CACNA1A: variants seen among roughly 807,000 people sequenced by gnomAD.
CACNA1A encodes the protein calcium voltage-gated channel subunit alpha1 A, also known as voltage-dependent P/Q-type calcium channel subunit alpha-1A.
Under a neutral mutation model 262.4 loss-of-function variants are expected in CACNA1A, and 57 were observed. The observed-to-expected ratio is 0.22, with a 90% CI of 0.18 to 0.27. The LOEUF (loss-of-function observed/expected upper bound fraction) is 0.27. Among genes scored for constraint, CACNA1A ranks in the 10% least tolerant of loss-of-function variants. The pLI is 1.00. For synonymous variants in CACNA1A, 1,431 were observed against 1,419.3 expected (o/e 1.01, Z -0.18); for missense variants, 2,526 against 3,562.8 (o/e 0.71, Z 7.41).
chr19:13,215,012 G>GT (rs1264509488), intron 38 of CACNA1A: 124 of 34,298 alleles, frequency 3.6e-3, no homozygotes, highest in South Asian at 4.8e-3. Context: ...GTGTGTGTGT[G>GT]TTTTTTTTTT....
intron 1 of CACNA1A, among the ~76,000 whole-genome samples, chr19:13,502,893 G>A (rs902406808): frequency 2.0e-5 from 3 of 152,092 alleles, no homozygotes; most frequent in Non-Finnish European, 4.4e-5. Context: ...TGAGCATACC[G>A]ACAAGTTCAT....
chr19:13,434,722 C>G (rs558393362), intron 3 of CACNA1A, among the ~76,000 whole-genome samples: 1 of 152,134 alleles, frequency 6.6e-6, no homozygotes, highest in Non-Finnish European at 1.5e-5. Context: ...GTAGAGCCTG[C>G]AGAATCGTGA....
At chr19:13,402,779 C>CATATATATATACATATATACACACAT (rs398071149) in intron 3 of CACNA1A, among the ~76,000 whole-genome samples, 2 of 124,458 alleles carry the variant, frequency 1.6e-5, no homozygotes, top group East Asian at 2.1e-4. Context: ...CATATATATA[C>CATATATATATACATATATACACACAT]ATATATATAC....
At chr19:13,481,549 G>T (rs918172926) in intron 1 of CACNA1A, among the ~76,000 whole-genome samples, 2 of 152,066 alleles carry the variant, frequency 1.3e-5, no homozygotes, top group African/African-American at 4.8e-5. Context: ...GGCGGGGAGG[G>T]GACAGACCAT....
intron 3 of CACNA1A, among the ~76,000 whole-genome samples, chr19:13,414,386 C>T (rs112172137): frequency 4.9e-4 from 74 of 151,938 alleles, no homozygotes; most frequent in African/African-American, 1.7e-3. Flanking sequence ...GGCAATAGAG[C>T]GAGGCTCTGT....
chr19:13,299,033 C>G lies in CACNA1A; in HGVS notation c.2600G>C (p.Arg867Pro), dbSNP rs754326939. The change falls in exon 19 of 47, where the codon CGG (arginine) becomes CCG (proline). Residue 867 changes from arginine (R) to proline (P), a missense_variant. Around this residue, in one of 17 missense-constraint regions of CACNA1A, gnomAD observed 765 missense variants for 748.6 expected, o/e 1.02. Coordinates refer to ENST00000360228, the MANE Select transcript of CACNA1A (RefSeq NM_001127222.2). Reference protein sequence around the residue: ...FLRKQARYHDRARDPSGSAGL... With the variant: ...FLRKQARYHDPARDPSGSAGL... ...CGCCGAGCCGCTGGGGTCCCGGGCCCGATCGTGGTAGCGGGCCTGTTTCCT... is the reference window on the plus strand; with the variant it reads ...CGCCGAGCCGCTGGGGTCCCGGGCCGGATCGTGGTAGCGGGCCTGTTTCCT... 15 of 1,594,868 alleles carry G rather than the reference C, an allele frequency of 9.4e-6. No individual in the cohort carries two copies. In the African/African-American group the frequency reaches 1.7e-4, roughly 18 times the overall value.
Position 13,308,023 on chromosome 19 carries a change from G to T in CACNA1A, c.1913+97C>A. The stretch of plus-strand genomic sequence containing the variant: ...TTTGGGTGACCGCAATGGGTGTCTG[G>T]GCTACGAGGAAGGCAGCCTGCACGG... On this transcript the variant is annotated intron_variant, in intron 14 of 46. Transcript: ENST00000360228. This position sits in a 1 kb window ranked among gnomAD's most constrained non-coding sequence, Gnocchi z 4.2. 2 of 1,522,416 alleles carry T rather than the reference G, an allele frequency of 1.3e-6. No individual in the cohort carries two copies. The highest frequency in any genetic ancestry group is 1.8e-6 in the Non-Finnish European group (2 of 1,113,072). The allele number at this position is 1,522,416 out of a possible 1,614,324, so 94.3% of individuals were successfully genotyped here. A position where few individuals can be genotyped will look rare whatever the true frequency, so the allele number is the denominator to read the frequency against.
Position 13,207,996 on chromosome 19 carries a change from G to T in CACNA1A, c.6838C>A (p.Arg2280=). 1 of 1,334,150 alleles carries T rather than the reference G, an allele frequency of 7.5e-7. No homozygotes were observed. The highest frequency in any genetic ancestry group is 9.6e-7 in the Non-Finnish European group (1 of 1,047,078). The allele number at this position is 1,334,150 out of a possible 1,614,324, so 82.6% of individuals were successfully genotyped here. Residue 2280 remains arginine, a synonymous_variant, in exon 47 of 47, where the codon CGG becomes AGG. Coordinates refer to ENST00000360228, the MANE Select transcript of CACNA1A (RefSeq NM_001127222.2). The surrounding 1 kb of genome is among the most constrained non-coding windows in gnomAD (Gnocchi z 5.7). ...APSTSGTSTP[R]RGRRQLPQTP... The stretch of plus-strand genomic sequence containing the variant: ...TGGGGGAGCTGGCGGCGGCCCCGCC[G>T]CGGAGTGCTGGTACCAGATGTTGAG...
Position 13,495,548 on chromosome 19 carries a change from G to A in CACNA1A, c.293+10384C>T, listed in dbSNP as rs544054776. Among the ~76,000 whole-genome samples the A allele has an allele frequency of 1.2e-3, 183 of 152,092 alleles. 1 individual carries two copies. The highest frequency in any genetic ancestry group is 3.8e-3 in the African/African-American group (157 of 41,466). On this transcript the variant is annotated intron_variant, in intron 1 of 46. Transcript: ENST00000360228. ...CCTGACCTTGTGATCTGCCTGCCTC[G>A]GCCTCCCAAAGTCCTAAACATACAA...
At chr19:13,358,578 CTTATAA>C (rs1164906959) in intron 6 of CACNA1A, among the ~76,000 whole-genome samples, 4 of 152,124 alleles carry the variant, frequency 2.6e-5, no homozygotes, top group Non-Finnish European at 5.9e-5. Context: ...TTCGATTATG[CTTATAA>C]TTATAATTGC....
At chr19:13,337,479 C>T (rs2058596159) in intron 6 of CACNA1A, among the ~76,000 whole-genome samples, 1 of 152,112 alleles carries the variant, frequency 6.6e-6, no homozygotes, top group Admixed American at 6.5e-5. Flanking sequence ...TAGATTAGGA[C>T]CCACCCTAAT....
At position 13,317,259 on chromosome 19, in the gene CACNA1A, T is replaced by C; in HGVS notation, c.1408A>G (p.Lys470Glu). Residue 470 changes from lysine to glutamate, a missense_variant, in exon 11 of 47, where the codon AAA becomes GAA. By Grantham distance (56) the Lys-to-Glu change is moderately conservative. Around this residue, in one of 17 missense-constraint regions of CACNA1A, gnomAD observed 104 missense variants for 127.6 expected, o/e 0.81. Transcript: ENST00000360228. ...TAGAAACGCATCCTCCTCTCCTTTT[T>C]GTGAAAAAAGGTCGAGTTCTCCAGC... is the stretch of plus-strand genomic sequence containing the variant. ...AKLENSTFFHKKERRMRFYIR... is the reference protein window; with the variant it reads ...AKLENSTFFHEKERRMRFYIR... 1 of 1,613,096 alleles carries C rather than the reference T, an allele frequency of 6.2e-7. No individual in the cohort carries two copies. The highest frequency in any genetic ancestry group is 8.5e-7 in the Non-Finnish European group (1 of 1,179,160).
chr19:13,284,920 C>G (rs1238041020), intron 21 of CACNA1A, 148 bp downstream of exon 21: 1 of 661,378 alleles, frequency 1.5e-6, no homozygotes, highest in Non-Finnish European at 2.6e-6. Flanking sequence ...ACCTGACTTA[C>G]GGAAGGAGCA....
chr19:13,395,331 C>T (rs2059791253), intron 3 of CACNA1A, among the ~76,000 whole-genome samples: 1 of 142,712 alleles, frequency 7.0e-6, no homozygotes, highest in African/African-American at 2.6e-5. Context: ...TCTGGCTGGG[C>T]ACAGTGGCTC....
Position 13,236,533 on chromosome 19 carries a change from G to C in CACNA1A, c.4951-803C>G, listed in dbSNP as rs2055884339. The C allele has an allele frequency of 6.5e-6, 1 of 153,352 alleles. No individual in the cohort carries two copies. The highest frequency in any genetic ancestry group is 1.9e-4 in the East Asian group (1 of 5,202). 9.5% of individuals were successfully genotyped at this position (153,352 alleles called of 1,614,324 possible). A position where few individuals can be genotyped will look rare whatever the true frequency, so the allele number is the denominator to read the frequency against. On this transcript the variant is annotated intron_variant, in intron 31 of 46. Coordinates refer to ENST00000360228, the MANE Select transcript of CACNA1A (RefSeq NM_001127222.2). This position sits in a 1 kb window ranked among gnomAD's most constrained non-coding sequence, Gnocchi z 4.6. The stretch of plus-strand genomic sequence containing the variant: ...TGAGTCCTCGCTGCCCGCTGAGTCG[G>C]AGAAGATGCATTTGGGGCCCTTTTC...
chr19:13,225,795 T>C (rs942109910), intron 37 of CACNA1A: 14 of 152,188 alleles, frequency 9.2e-5, no homozygotes, highest in African/African-American at 3.1e-4. Flanking sequence ...GTTGTGCAGG[T>C]TGTACACCGC....
intron 6 of CACNA1A, among the ~76,000 whole-genome samples, chr19:13,340,606 T>C (rs968477053): frequency 6.6e-6 from 1 of 151,982 alleles, no homozygotes; most frequent in Non-Finnish European, 1.5e-5. Context: ...TTTCTATTTT[T>C]AGTAGAGGCG....
At chr19:13,366,899 C>A (rs1353786009) in intron 4 of CACNA1A, among the ~76,000 whole-genome samples, 2 of 152,136 alleles carry the variant, frequency 1.3e-5, no homozygotes, top group Admixed American at 1.3e-4. Flanking sequence ...TAGTGACAAG[C>A]CCCTGAGGTG....
chr19:13,388,140 G>C (rs1283133146), intron 3 of CACNA1A, among the ~76,000 whole-genome samples: 1 of 144,862 alleles, frequency 6.9e-6, no homozygotes, highest in Non-Finnish European at 1.5e-5. Context: ...TTCCCATACA[G>C]TCTATATTCT....
Sources: gnomAD v4.1 joint callset for allele counts (sites outside exome capture counted in the v4.1 genomes callset) on GRCh38, gnomAD v4.1.1 for gene constraint, gnomAD v4.1.1 regional missense constraint, Gnocchi (gnomAD v3.1) non-coding constraint, MANE v1.5 for transcripts, NCBI Gene and HGNC (gene_info 2026-07-23, HGNC 2026-07-21) for gene names.